The following MEGF10 variants were observed in gnomAD, a reference collection of about 807,000 sequenced individuals.
The protein encoded by MEGF10 is multiple EGF like domains 10.
Under a neutral mutation model 147.5 loss-of-function variants are expected in MEGF10, and 86 were observed. The ratio of observed to expected loss-of-function variants is 0.58; its 90% CI spans 0.49 to 0.70. The LOEUF (loss-of-function observed/expected upper bound fraction) is 0.70. Ranked by LOEUF, MEGF10 falls within the 30% of genes least tolerant of loss-of-function variation. The pLI is 0.00. For synonymous variants in MEGF10, 478 were observed against 525.5 expected (o/e 0.91, Z 1.24); for missense variants, 1,329 against 1,487.3 (o/e 0.89, Z 1.75).
intron 8 of MEGF10, 39 bp downstream of exon 8, chr5:127,402,721 G>C: frequency 1.2e-6 from 2 of 1,606,168 alleles, no homozygotes; most frequent in Non-Finnish European, 1.7e-6. Context: ...TGTTTATAAT[G>C]ATGTGAAAGG....
chr5:127,246,302 C>T, the MEGF10 span, among the ~76,000 whole-genome samples: 2 of 151,948 alleles, frequency 1.3e-5, no homozygotes, highest in Non-Finnish European at 1.5e-5. Context: ...ATGTTCTTTG[C>T]CAGAACATGG....
At chr5:127,452,726 C>T (rs935668869) in intron 22 of MEGF10, among the ~76,000 whole-genome samples, 2 of 152,172 alleles carry the variant, frequency 1.3e-5, no homozygotes, top group East Asian at 1.9e-4. Context: ...CCTGGGCCTC[C>T]GGGTGAACAA....
intron 21 of MEGF10, among the ~76,000 whole-genome samples, chr5:127,448,218 C>T (rs1444738782): frequency 6.6e-6 from 1 of 152,158 alleles, no homozygotes; most frequent in East Asian, 1.9e-4. Context: ...TGTAGGTCAA[C>T]AGTGGTCACA....
At chr5:127,383,604 C>T (rs975459606) in intron 5 of MEGF10, among the ~76,000 whole-genome samples, 1 of 152,094 alleles carries the variant, frequency 6.6e-6, no homozygotes, top group African/African-American at 2.4e-5. Context: ...AATACACCCC[C>T]CAACACACCC....
At chr5:127,287,762 A>T (rs1175869500), upstream of MEGF10, among the ~76,000 whole-genome samples, 1 of 152,072 alleles carries the variant, frequency 6.6e-6, no homozygotes, top group Non-Finnish European at 1.5e-5. Flanking sequence ...AAATAAAAAC[A>T]AAAACAAAAG....
At chr5:127,345,397 A>G (rs1364440390) in intron 4 of MEGF10, among the ~76,000 whole-genome samples, 1 of 152,148 alleles carries the variant, frequency 6.6e-6, no homozygotes, top group African/African-American at 2.4e-5. Context: ...ACTTTGACTA[A>G]CAAGGCTGTC....
the MEGF10 span, among the ~76,000 whole-genome samples, chr5:127,250,801 A>G: frequency 1.3e-5 from 2 of 152,048 alleles, no homozygotes; most frequent in Non-Finnish European, 2.9e-5. Context: ...TAGAATCAGT[A>G]AAATTCAGTA....
Position 127,393,258 on chromosome 5 carries a change from T to C in MEGF10, c.413-3274T>C, listed in dbSNP as rs116099963. Among the ~76,000 whole-genome samples the C allele has an allele frequency of 6.2e-3, 946 of 152,294 alleles. 11 individuals carry two copies. Among genetic ancestry groups the C allele is most frequent in the African/African-American group, 0.019 (807 of 41,562 alleles). On this transcript the variant is annotated intron_variant, in intron 5 of 24. Coordinates refer to ENST00000503335, the MANE Select transcript of MEGF10 (RefSeq NM_001256545.2). ...GAATTCAGACCTTCTCCGAGCTGTC[T>C]CTCCAAATGTGGTACTTGAATTCAG...
intron 5 of MEGF10, among the ~76,000 whole-genome samples, chr5:127,379,201 C>T (rs1188315961): frequency 1.3e-5 from 2 of 152,000 alleles, no homozygotes; most frequent in African/African-American, 4.8e-5. Flanking sequence ...GCCACGTTCT[C>T]TCTAAACTGG....
intron 1 of MEGF10, among the ~76,000 whole-genome samples, chr5:127,306,016 T>G (rs1184967011): frequency 1.3e-5 from 2 of 152,250 alleles, no homozygotes; most frequent in Non-Finnish European, 2.9e-5. Flanking sequence ...TGACTTTTTC[T>G]AGAGTTCAGG....
chr5:127,393,548 T>G (rs535501302), intron 5 of MEGF10, among the ~76,000 whole-genome samples: 1 of 152,252 alleles, frequency 6.6e-6, no homozygotes, highest in East Asian at 1.9e-4. Context: ...TCTGTAAACA[T>G]GTGGATTTTT....
At chr5:127,416,519 G>A (rs1451198282) in intron 9 of MEGF10, among the ~76,000 whole-genome samples, 3 of 152,176 alleles carry the variant, frequency 2.0e-5, no homozygotes, top group Non-Finnish European at 4.4e-5. Context: ...ATGTAGAGCT[G>A]TACTTAGGTA....
At chr5:127,280,755 T>A in the MEGF10 span, among the ~76,000 whole-genome samples, 1 of 152,206 alleles carries the variant, frequency 6.6e-6, no homozygotes, top group African/African-American at 2.4e-5. Flanking sequence ...CCTGCTTATT[T>A]TCCCAACTAG....
intron 4 of MEGF10, among the ~76,000 whole-genome samples, chr5:127,345,378 A>G (rs1288661844): frequency 2.2e-4 from 33 of 152,168 alleles, no homozygotes; most frequent in Admixed American, 2.2e-3. Context: ...CTCCTGGTCC[A>G]CAGAGCAGAC....
Position 127,457,784 on chromosome 5 carries a change from G to T in MEGF10, c.*466G>T, listed in dbSNP as rs1766420982. ...ACATGTAGAAGACAAGGAACATATTGTTAACTCCTGATTCTTAACTTTATT... is the reference window on the plus strand; with the variant it reads ...ACATGTAGAAGACAAGGAACATATTTTTAACTCCTGATTCTTAACTTTATT... On this transcript the variant is annotated 3_prime_UTR_variant, in exon 25 of 25. Coordinates refer to ENST00000503335, the MANE Select transcript of MEGF10 (RefSeq NM_001256545.2). The T allele has an allele frequency of 6.4e-6, 1 of 155,884 alleles. No homozygotes were observed. Among genetic ancestry groups the T allele is most frequent in the South Asian group, 2.0e-4 (1 of 5,128 alleles). 9.7% of individuals were successfully genotyped at this position (155,884 alleles called of 1,614,324 possible). A position where few individuals can be genotyped will look rare whatever the true frequency, so the allele number is the denominator to read the frequency against.
At chr5:127,276,206 G>A in the MEGF10 span, among the ~76,000 whole-genome samples, 1 of 152,224 alleles carries the variant, frequency 6.6e-6, no homozygotes, top group Admixed American at 6.5e-5. Flanking sequence ...GTAAATTAAT[G>A]TACAAGAAAT....
intron 4 of MEGF10, among the ~76,000 whole-genome samples, chr5:127,366,493 A>G (rs917857361): frequency 1.3e-5 from 2 of 152,226 alleles, no homozygotes; most frequent in Admixed American, 1.3e-4. Flanking sequence ...TTAGGCATCA[A>G]TGCTCAGAGG....
At chr5:127,411,606 C>T (rs576191601) in intron 9 of MEGF10, among the ~76,000 whole-genome samples, 2 of 152,062 alleles carry the variant, frequency 1.3e-5, no homozygotes, top group Non-Finnish European at 2.9e-5. Context: ...TTTAGTGGGA[C>T]ATATGAAAGA....
At chr5:127,406,638 G>T (rs1013462721) in intron 8 of MEGF10, among the ~76,000 whole-genome samples, 5 of 152,168 alleles carry the variant, frequency 3.3e-5, no homozygotes, top group Non-Finnish European at 5.9e-5. Context: ...CCAGGATGTG[G>T]GGACAGTCCT....
Sources: gnomAD v4.1 joint callset for allele counts (sites outside exome capture counted in the v4.1 genomes callset) on GRCh38, gnomAD v4.1.1 for gene constraint, MANE v1.5 for transcripts, NCBI Gene and HGNC (gene_info 2026-07-23, HGNC 2026-07-21) for gene names.